Variants in FER observed in about 807,000 individuals in gnomAD.
The protein encoded by FER is tyrosine-protein kinase Fer.
Under a neutral mutation model 111.0 loss-of-function variants are expected in FER, and 63 were observed. The observed-to-expected ratio is 0.57, with a 90% CI of 0.46 to 0.70. FER has a LOEUF of 0.70. FER is among the 30% of genes least tolerant of loss of function. The pLI is 0.00. For missense variants in FER, 914 were observed against 954.0 expected (o/e 0.96, Z 0.55); for synonymous variants, 327 against 313.9 (o/e 1.04, Z -0.44).
At chr5:108,917,680 A>G (rs1053269536) in intron 10 of FER, among the ~76,000 whole-genome samples, 9 of 152,178 alleles carry the variant, frequency 5.9e-5, no homozygotes, top group Non-Finnish European at 1.0e-4. Context: ...AATTTTCCTT[A>G]GAGTCAAACA....
rs990894025 is a variant in FER, at chr5:108,859,597, C to T, written c.482-8170C>T. Among the ~76,000 whole-genome samples, 5 of 152,140 alleles carry T rather than the reference C, an allele frequency of 3.3e-5. No individual in the cohort carries two copies. In the East Asian group the frequency reaches 9.7e-4, roughly 29 times the overall value. Reference sequence around the variant, plus strand: ...ATTCAGAATTATGCTGCTGCCATATCCCAGCTACCCAGAACTCCCTCATTC... The same window carrying T: ...ATTCAGAATTATGCTGCTGCCATATTCCAGCTACCCAGAACTCCCTCATTC... On this transcript the variant is annotated intron_variant, in intron 5 of 19. Coordinates refer to ENST00000281092, the MANE Select transcript of FER (RefSeq NM_005246.4).
intron 17 of FER, among the ~76,000 whole-genome samples, chr5:109,151,959 A>G (rs75293782): frequency 3.3e-5 from 5 of 152,050 alleles, no homozygotes; most frequent in Non-Finnish European, 5.9e-5. Context: ...CTTAGGATCA[A>G]TGCAAGAATT....
chr5:109,070,962 A>G (rs1775696623), intron 16 of FER, among the ~76,000 whole-genome samples: 1 of 152,038 alleles, frequency 6.6e-6, no homozygotes, highest in African/African-American at 2.4e-5. Context: ...CATATCAAGT[A>G]TCTATCGTAT....
chr5:109,150,312 T>C (rs1754687915), intron 17 of FER, among the ~76,000 whole-genome samples: 1 of 152,088 alleles, frequency 6.6e-6, no homozygotes, highest in African/African-American at 2.4e-5. Flanking sequence ...CCTCTCTTGC[T>C]CCATCAACTT....
intron 10 of FER, among the ~76,000 whole-genome samples, chr5:108,917,115 A>G (rs1205764063): frequency 6.6e-6 from 1 of 152,144 alleles, no homozygotes; most frequent in Admixed American, 6.5e-5. Flanking sequence ...GCTTTCTTCT[A>G]TTCCAGAGAA....
rs561932574 is a variant in FER at position 109,046,056 on chromosome 5, T to C, written c.1830-1048T>C. Among the ~76,000 whole-genome samples the C allele has an allele frequency of 2.0e-5, 3 of 152,300 alleles. No homozygotes were observed. In the East Asian group the frequency reaches 5.8e-4, roughly 29 times the overall value. ...GTTGAGGTTTTTTTTCTTAACTCTT[T>C]AGGGACATGGTTTCAAGTCTATCCT... On this transcript the variant is annotated intron_variant, in intron 15 of 19. Transcript: ENST00000281092.
intron 14 of FER, among the ~76,000 whole-genome samples, chr5:109,038,050 T>A (rs895769407): frequency 1.2e-4 from 18 of 151,870 alleles, no homozygotes; most frequent in Admixed American, 9.8e-4. Context: ...AAAAGTCCCT[T>A]TTCTTCCAAT....
intron 16 of FER, among the ~76,000 whole-genome samples, chr5:109,060,168 G>T (rs551476375): frequency 6.6e-6 from 1 of 152,254 alleles, no homozygotes; most frequent in African/African-American, 2.4e-5. Context: ...TGTAGATGGG[G>T]ATAGACAATA....
At chr5:109,094,495 T>A (rs1003561832) in intron 16 of FER, among the ~76,000 whole-genome samples, 1 of 152,160 alleles carries the variant, frequency 6.6e-6, no homozygotes, top group Non-Finnish European at 1.5e-5. Context: ...TCTGAAACAC[T>A]TCTGGTCCAA....
intron 17 of FER, 28 bp downstream of exon 17, chr5:109,100,547 T>C (rs1748097646): frequency 6.3e-7 from 1 of 1,586,552 alleles, no homozygotes; most frequent in African/African-American, 1.4e-5. Context: ...AAAGCAATTT[T>C]TGGTTTTATT....
chr5:108,855,351 G>T (rs1029995085), intron 5 of FER, among the ~76,000 whole-genome samples: 1 of 151,984 alleles, frequency 6.6e-6, no homozygotes, highest in Non-Finnish European at 1.5e-5. Context: ...ACAAAAGACC[G>T]GCCGGGCGCG....
intron 2 of FER, among the ~76,000 whole-genome samples, chr5:108,787,112 C>T (rs1439141150): frequency 1.3e-5 from 2 of 152,048 alleles, no homozygotes. Context: ...CCCAGGAAGC[C>T]CCCTGCCCCT....
intron 10 of FER, among the ~76,000 whole-genome samples, chr5:108,916,960 A>G (rs922639394): frequency 2.0e-4 from 31 of 152,286 alleles, no homozygotes; most frequent in Middle Eastern, 3.4e-3. Flanking sequence ...ATAGGATTCT[A>G]TATTTTGATC....
intron 13 of FER, among the ~76,000 whole-genome samples, chr5:108,997,284 G>A (rs1268385026): frequency 6.6e-6 from 1 of 151,396 alleles, no homozygotes; most frequent in South Asian, 2.1e-4. Flanking sequence ...CGGGCTTGGT[G>A]GTGGGCGCCT....
At chr5:108,865,936 A>G (rs1764006326) in intron 5 of FER, among the ~76,000 whole-genome samples, 1 of 152,186 alleles carries the variant, frequency 6.6e-6, no homozygotes, top group South Asian at 2.1e-4. Context: ...TCAGGAAACA[A>G]CAGGTGCTGG....
intron 17 of FER, among the ~76,000 whole-genome samples, chr5:109,158,859 A>C (rs1224421950): frequency 6.6e-6 from 1 of 152,140 alleles, no homozygotes; most frequent in Non-Finnish European, 1.5e-5. Context: ...AATCATACCT[A>C]TTCTTAGAAC....
intron 13 of FER, among the ~76,000 whole-genome samples, chr5:109,012,025 G>A (rs1437713075): frequency 6.6e-6 from 1 of 152,098 alleles, no homozygotes; most frequent in Non-Finnish European, 1.5e-5. Flanking sequence ...CTTCTCTACT[G>A]TGCAGCCATC....
intron 9 of FER, among the ~76,000 whole-genome samples, chr5:108,896,912 A>G (rs1222589836): frequency 1.3e-5 from 2 of 152,190 alleles, no homozygotes; most frequent in African/African-American, 4.8e-5. Flanking sequence ...TGTAATATAT[A>G]GTGTGGGCTA....
At chr5:108,964,005 T>G (rs1316469879) in intron 13 of FER, among the ~76,000 whole-genome samples, 1 of 152,232 alleles carries the variant, frequency 6.6e-6, no homozygotes, top group Non-Finnish European at 1.5e-5. Flanking sequence ...TTTTATGAAA[T>G]CAGTCTTCCT....
Sources: allele counts gnomAD v4.1 joint callset (sites outside exome capture counted in the v4.1 genomes callset), GRCh38; gene constraint gnomAD v4.1.1; transcripts MANE v1.5; gene names NCBI Gene and HGNC (gene_info 2026-07-23, HGNC 2026-07-21).